The following CFAP44 variants were observed in gnomAD, a reference collection of about 807,000 sequenced individuals.
CFAP44 encodes cilia- and flagella-associated protein 44.
In CFAP44, 134 loss-of-function variants were observed where a neutral mutation model predicts 216.2. That is an observed-to-expected ratio of 0.62 (90% CI 0.54 to 0.72). The LOEUF (loss-of-function observed/expected upper bound fraction) is 0.72. Among genes scored for constraint, CFAP44 ranks in the 30% least tolerant of loss-of-function variants. The probability of loss-of-function intolerance (pLI) is 0.00; values close to 1 mark genes in which losing one functional copy is unlikely to be tolerated. For synonymous variants in CFAP44, 700 were observed against 727.6 expected (o/e 0.96, Z 0.61); for missense variants, 2,035 against 2,182.1 (o/e 0.93, Z 1.34).
intron 22 of CFAP44, among the ~76,000 whole-genome samples, chr3:113,349,076 T>C (rs995402736): frequency 2.6e-5 from 4 of 152,156 alleles, no homozygotes; most frequent in African/African-American, 9.7e-5. Context: ...TCATGGGGAC[T>C]GGAGTTGCAA....
chr3:113,429,724 C>T (rs1158004198), intron 2 of CFAP44, among the ~76,000 whole-genome samples: 2 of 151,454 alleles, frequency 1.3e-5, no homozygotes, highest in Non-Finnish European at 2.9e-5. Context: ...GTCCTTTTTC[C>T]CTCTTTTTCT....
rs1288461847 is a variant in CFAP44, at chr3:113,305,162, G to T, written c.4759-10C>A. The T allele has an allele frequency of 1.3e-6, 2 of 1,535,190 alleles. No homozygotes were observed. The highest frequency in any genetic ancestry group is 1.7e-6 in the Non-Finnish European group (2 of 1,145,208). Reference sequence around the variant, plus strand: ...TTGCCACAATTTTCACCTGTAGAAAGCCCCGTGTTGTGAAATGGTGACAAG... The same window carrying T: ...TTGCCACAATTTTCACCTGTAGAAATCCCCGTGTTGTGAAATGGTGACAAG... On this transcript the variant is annotated splice_polypyrimidine_tract_variant and intron_variant, in intron 30 of 34. Coordinates refer to ENST00000393845, the MANE Select transcript of CFAP44 (RefSeq NM_001164496.2).
chr3:113,378,088 C>T (rs988609958), intron 17 of CFAP44, among the ~76,000 whole-genome samples: 3 of 152,138 alleles, frequency 2.0e-5, no homozygotes, highest in Non-Finnish European at 4.4e-5. Context: ...ATTACACAGG[C>T]TGGTCTCGAA....
intron 4 of CFAP44, among the ~76,000 whole-genome samples, chr3:113,424,069 T>G (rs920502454): frequency 1.3e-5 from 2 of 152,216 alleles, no homozygotes; most frequent in Non-Finnish European, 2.9e-5. Flanking sequence ...AGGCTGAACT[T>G]AAAGTATGTA....
intron 23 of CFAP44, among the ~76,000 whole-genome samples, chr3:113,343,007 A>AT (rs376378932): frequency 6.8e-6 from 1 of 147,846 alleles, no homozygotes; most frequent in Admixed American, 6.7e-5. Flanking sequence ...TAAATAAAAA[A>AT]TTAAAAAAAA....
intron 26 of CFAP44, among the ~76,000 whole-genome samples, chr3:113,328,695 T>C (rs1950210393): frequency 2.8e-5 from 2 of 72,346 alleles, no homozygotes; most frequent in African/African-American, 4.7e-5. Flanking sequence ...TTTAGAGAGC[T>C]TAAAAAAAAA....
chr3:113,433,616 A>G lies in CFAP44; in HGVS notation c.49T>C (p.Ser17Pro). 2 of 1,613,364 alleles carry G rather than the reference A, an allele frequency of 1.2e-6. No individual in the cohort carries two copies. The highest frequency in any genetic ancestry group is 8.5e-7 in the Non-Finnish European group (1 of 1,179,886). ...QDTDGEKSVTSKSDGKKSLRS... is the reference protein window; with the variant it reads ...QDTDGEKSVTPKSDGKKSLRS... ...AGAGACTTCTTCCCATCACTCTTTG[A>G]TGTAACTGATTTCTCCCCATCAGTA... Residue 17 changes from serine (S) to proline (P), a missense_variant, in exon 2 of 35, where the codon TCA becomes CCA. This residue lies in a region of CFAP44 where 149 missense variants were observed against 141.8 expected (regional missense o/e 1.05). Coordinates refer to ENST00000393845, the MANE Select transcript of CFAP44 (RefSeq NM_001164496.2).
At chr3:113,384,495 CT>C (rs1933596749) in intron 15 of CFAP44, among the ~76,000 whole-genome samples, 1 of 152,156 alleles carries the variant, frequency 6.6e-6, no homozygotes, top group Non-Finnish European at 1.5e-5. Flanking sequence ...GGGGATAGAT[CT>C]TTAAAAGAGA....
chr3:113,367,422 G>T (rs1184332322), intron 18 of CFAP44, among the ~76,000 whole-genome samples: 1 of 152,216 alleles, frequency 6.6e-6, no homozygotes, highest in Non-Finnish European at 1.5e-5. Context: ...GCCTCCATTG[G>T]TGATACCCAG....
At chr3:113,384,883 T>C (rs1933605736) in intron 15 of CFAP44, among the ~76,000 whole-genome samples, 1 of 152,214 alleles carries the variant, frequency 6.6e-6, no homozygotes, top group Non-Finnish European at 1.5e-5. Context: ...CAGAGTCTGA[T>C]GCTGTTTGAT....
At position 113,288,914 on chromosome 3, in the gene CFAP44, T is replaced by C. The variant is rs1325932634; in HGVS notation, c.*2643A>G. The C allele has an allele frequency of 1.3e-5, 2 of 152,268 alleles. No individual in the cohort carries two copies. Among genetic ancestry groups the C allele is most frequent in the African/African-American group, 2.4e-5 (1 of 41,444 alleles). 9.4% of individuals were successfully genotyped at this position (152,268 alleles called of 1,614,324 possible). On this transcript the variant is annotated 3_prime_UTR_variant, in exon 35 of 35. Coordinates refer to ENST00000393845, the MANE Select transcript of CFAP44 (RefSeq NM_001164496.2). ...CTGAGATTGATCATCGGTGATACTA[T>C]GGATGACAGTTCAGAAGAGCCAAGT...
At chr3:113,427,898 T>C (rs1935004811) in intron 2 of CFAP44, among the ~76,000 whole-genome samples, 1 of 152,034 alleles carries the variant, frequency 6.6e-6, no homozygotes, top group East Asian at 1.9e-4. Flanking sequence ...TATACTTTCA[T>C]ATAGAGCTAG....
chr3:113,396,814 T>C, intron 13 of CFAP44, 87 bp from the exon 14 acceptor site: 1 of 1,302,240 alleles, frequency 7.7e-7, no homozygotes, highest in Non-Finnish European at 1.1e-6. Flanking sequence ...TAGACTCAGG[T>C]AATTTAATAT....
At chr3:113,341,678 T>C (rs1950334444) in intron 24 of CFAP44, 66 bp downstream of exon 24, 4 of 1,338,344 alleles carry the variant, frequency 3.0e-6, no homozygotes, top group Non-Finnish European at 3.9e-6. Context: ...TATAAAGATT[T>C]TTAAGATATA....
intron 6 of CFAP44, among the ~76,000 whole-genome samples, chr3:113,413,621 T>C (rs1210246480): frequency 6.6e-6 from 1 of 152,256 alleles, no homozygotes; most frequent in East Asian, 1.9e-4. Flanking sequence ...ACTTACTGAA[T>C]AGGAAATCCT....
chr3:113,362,547 C>A (rs1576570576), intron 21 of CFAP44, among the ~76,000 whole-genome samples: 1 of 152,312 alleles, frequency 6.6e-6, no homozygotes, highest in East Asian at 1.9e-4. Context: ...CACTTCCTTA[C>A]AATAATAGGC....
At chr3:113,393,859 T>C (rs929407455) in intron 15 of CFAP44, among the ~76,000 whole-genome samples, 3 of 152,050 alleles carry the variant, frequency 2.0e-5, no homozygotes, top group Non-Finnish European at 4.4e-5. Flanking sequence ...ATGATCTCTA[T>C]ACAGGCTAAC....
At chr3:113,372,964 C>A (rs1421037099) in intron 18 of CFAP44, among the ~76,000 whole-genome samples, 1 of 152,010 alleles carries the variant, frequency 6.6e-6, no homozygotes, top group African/African-American at 2.4e-5. Context: ...GCAGCCCTAG[C>A]AAACTAATAC....
At chr3:113,297,253 C>A (rs1325263030) in intron 32 of CFAP44, among the ~76,000 whole-genome samples, 1 of 152,036 alleles carries the variant, frequency 6.6e-6, no homozygotes, top group Non-Finnish European at 1.5e-5. Context: ...AGAGAAGTCT[C>A]CATCTTACTC....
Sources: allele counts gnomAD v4.1 joint callset (sites outside exome capture counted in the v4.1 genomes callset), GRCh38; gene constraint gnomAD v4.1.1; regional missense constraint gnomAD v4.1.1; transcripts MANE v1.5; gene names NCBI Gene and HGNC (gene_info 2026-07-23, HGNC 2026-07-21).